SCML4: variants seen among roughly 807,000 people sequenced by gnomAD.
The protein encoded by SCML4 is sex comb on midleg-like protein 4.
SCML4 carries 34 observed loss-of-function variants against 41.1 expected under a neutral mutation model. The observed-to-expected ratio is 0.83, with a 90% confidence interval of 0.63 to 1.10. The LOEUF is 1.10. SCML4 is among the 50% of genes least tolerant of loss of function. The pLI is 0.00. For missense variants in SCML4, 522 were observed against 534.1 expected (o/e 0.98, Z 0.22); for synonymous variants, 214 against 220.9 (o/e 0.97, Z 0.28).
intron 1 of SCML4, among the ~76,000 whole-genome samples, chr6:107,806,296 T>G (rs769357441): frequency 7.9e-5 from 12 of 152,306 alleles, no homozygotes; most frequent in Non-Finnish European, 1.2e-4. Context: ...ACAGGCTTCC[T>G]GGAGGAGGTG....
intron 1 of SCML4, among the ~76,000 whole-genome samples, chr6:107,817,575 C>T (rs1399513971): frequency 7.4e-6 from 1 of 135,412 alleles, no homozygotes; most frequent in Admixed American, 8.3e-5. Flanking sequence ...GAGCTGAGAT[C>T]GCACCACTGT....
intron 1 of SCML4, among the ~76,000 whole-genome samples, chr6:107,790,736 C>T (rs1426718563): frequency 6.6e-6 from 1 of 152,118 alleles, no homozygotes; most frequent in Non-Finnish European, 1.5e-5. Flanking sequence ...GGACAACCAT[C>T]CACACCTACT....
the SCML4 span, among the ~76,000 whole-genome samples, chr6:107,831,424 A>AC: frequency 5.3e-5 from 8 of 151,476 alleles, no homozygotes; most frequent in East Asian, 1.5e-3. Flanking sequence ...AAAAAAAAAA[A>AC]AAAAAAAAAC....
intron 6 of SCML4, among the ~76,000 whole-genome samples, chr6:107,712,723 GGC>G (rs1263911980): frequency 2.0e-5 from 3 of 152,180 alleles, no homozygotes; most frequent in African/African-American, 7.2e-5. Flanking sequence ...GCTTTCCAGT[GGC>G]AGGTTTGCAG....
At chr6:107,774,995 TAA>T (rs796163173) in intron 1 of SCML4, among the ~76,000 whole-genome samples, 28 of 134,762 alleles carry the variant, frequency 2.1e-4, no homozygotes, top group African/African-American at 2.2e-4. Flanking sequence ...AGACTCCATC[TAA>T]AAAAAAAAAA....
chr6:107,748,663 G>A lies in SCML4; in HGVS notation c.286+1021C>T, dbSNP rs567284721. On this transcript the variant is annotated intron_variant, in intron 3 of 7. Coordinates refer to ENST00000369020, the MANE Select transcript of SCML4 (RefSeq NM_198081.5). ...ATGCCATGCCCTACAAAGAAAGCTT[G>A]AACAAAATGAAGCAGTCCCTGCCTT... 8.4e-4 allele frequency among the ~76,000 whole-genome samples: 128 copies of A among 152,308 alleles called. No homozygotes were observed. The Middle Eastern group carries it at 0.01, about 12-fold the overall frequency.
chr6:107,780,931 A>G (rs1169048548), intron 1 of SCML4, among the ~76,000 whole-genome samples: 2 of 151,792 alleles, frequency 1.3e-5, no homozygotes, highest in Non-Finnish European at 2.9e-5. Context: ...AATGTAGTCA[A>G]TTGACATAAA....
intron 5 of SCML4, among the ~76,000 whole-genome samples, chr6:107,724,157 C>T (rs1235659091): frequency 6.6e-6 from 1 of 152,104 alleles, no homozygotes; most frequent in Non-Finnish European, 1.5e-5. Context: ...AAGGGAATTT[C>T]CTCAATCTGA....
chr6:107,786,149 C>T (rs572049341), intron 1 of SCML4, among the ~76,000 whole-genome samples: 150 of 152,322 alleles, frequency 9.8e-4, no homozygotes, highest in Non-Finnish European at 1.8e-3. Flanking sequence ...TGCTTCTAAT[C>T]TGAATCAAAG....
At position 107,703,539 on chromosome 6, in the gene SCML4, C is replaced by T. The variant is rs1773346654; in HGVS notation, c.*1661G>A. 6.6e-6 allele frequency among the ~76,000 whole-genome samples: 1 copy of T among 152,208 alleles called. No individual in the cohort carries two copies. Among genetic ancestry groups the T allele is most frequent in the South Asian group, 2.1e-4 (1 of 4,834 alleles). On this transcript the variant is annotated 3_prime_UTR_variant, in exon 8 of 8. Coordinates refer to ENST00000369020, the MANE Select transcript of SCML4 (RefSeq NM_198081.5). Reference sequence around the variant, plus strand: ...CATGGCATGGACTATTTCTTATGGCCTTCATCTGGATTCTAACTATATAGA... The same window carrying T: ...CATGGCATGGACTATTTCTTATGGCTTTCATCTGGATTCTAACTATATAGA...
intron 5 of SCML4, among the ~76,000 whole-genome samples, chr6:107,734,673 A>G (rs1362359980): frequency 6.6e-6 from 1 of 152,244 alleles, no homozygotes; most frequent in African/African-American, 2.4e-5. Flanking sequence ...CACTGAAAAT[A>G]TAAAGCTTTT....
At chr6:107,789,961 C>T (rs1339122766) in intron 1 of SCML4, among the ~76,000 whole-genome samples, 2 of 152,212 alleles carry the variant, frequency 1.3e-5, no homozygotes, top group Non-Finnish European at 2.9e-5. Context: ...TTATTACGTA[C>T]TCCCACCGTA....
At position 107,805,616 on chromosome 6, in the gene SCML4, G is replaced by C. The variant is rs577263554; in HGVS notation, c.-60+18510C>G. On this transcript the variant is annotated intron_variant, in intron 1 of 7. Transcript: ENST00000369020. ...ACATGAAAGCTGTCAAACTACACTT[G>C]AAAAACCCAATTACACCCAGACTCA... is the stretch of plus-strand genomic sequence containing the variant. 5.3e-5 allele frequency among the ~76,000 whole-genome samples: 8 copies of C among 152,282 alleles called. No homozygotes were observed. In the South Asian group the frequency reaches 1.2e-3, roughly 24 times the overall value.
intron 5 of SCML4, among the ~76,000 whole-genome samples, chr6:107,738,978 T>G (rs1039140847): frequency 6.6e-6 from 1 of 152,208 alleles, no homozygotes; most frequent in East Asian, 1.9e-4. Context: ...AAGCAGCCCC[T>G]TCAAATTCTG....
chr6:107,705,104 G>A lies in SCML4; in HGVS notation c.*96C>T, dbSNP rs993712424. The A allele has an allele frequency of 1.2e-5, 13 of 1,107,790 alleles. No homozygotes were observed. In the African/African-American group the frequency reaches 1.6e-4, roughly 13 times the overall value. The allele number at this position is 1,107,790 out of a possible 1,614,324, so 68.6% of individuals were successfully genotyped here. A position where few individuals can be genotyped will look rare whatever the true frequency, so the allele number is the denominator to read the frequency against. On this transcript the variant is annotated 3_prime_UTR_variant, in exon 8 of 8. Transcript: ENST00000369020. ...TCTCTGTGGCTGTTAATTTTAAGAG[G>A]AGAGTCTAGTTTGTGATGTTGGCGG...
rs1383138933 is a variant in SCML4 at position 107,704,051 on chromosome 6, T to C, written c.*1149A>G. On this transcript the variant is annotated 3_prime_UTR_variant, in exon 8 of 8. Coordinates refer to ENST00000369020, the MANE Select transcript of SCML4 (RefSeq NM_198081.5). ...AAAGGAGCAGAAAATCAATTTTTTC[T>C]ATTACTCCACTGTGAGGAAGGAAAA... The C allele has an allele frequency of 6.6e-6, 1 of 152,234 alleles. No individual in the cohort carries two copies. The highest frequency in any genetic ancestry group is 1.5e-5 in the Non-Finnish European group (1 of 68,048). 9.4% of individuals were successfully genotyped at this position (152,234 alleles called of 1,614,324 possible).
At chr6:107,839,341 AAAAGAAAGAAAGAAAGAAAGAAAGAAGG>A in the SCML4 span, among the ~76,000 whole-genome samples, 55 of 12,926 alleles carry the variant, frequency 4.3e-3, no homozygotes, top group Non-Finnish European at 6.4e-3. Context: ...GAGAGAGAGA[AAAAGAAAGAAAGAAAGAAAGAAAGAAGG>A]AAAGAAAGAA....
intron 1 of SCML4, among the ~76,000 whole-genome samples, chr6:107,800,470 C>T (rs1262715368): frequency 6.6e-6 from 1 of 152,084 alleles, no homozygotes; most frequent in Non-Finnish European, 1.5e-5. Context: ...GAATTCAACT[C>T]CTGCAGGAGT....
intron 2 of SCML4, among the ~76,000 whole-genome samples, chr6:107,760,695 G>A (rs950549696): frequency 2.0e-5 from 3 of 152,084 alleles, no homozygotes; most frequent in Non-Finnish European, 4.4e-5. Flanking sequence ...ATGAATAACA[G>A]TCCAAAATAC....
Sources: allele counts gnomAD v4.1 joint callset (sites outside exome capture counted in the v4.1 genomes callset), GRCh38; gene constraint gnomAD v4.1.1; transcripts MANE v1.5; gene names NCBI Gene and HGNC (gene_info 2026-07-23, HGNC 2026-07-21).